The following ZNF180 variants were observed in gnomAD, a reference collection of about 807,000 sequenced individuals.
ZNF180 encodes the protein zinc finger protein 180 (HHZ168).
Under a neutral mutation model 11.8 loss-of-function variants are expected in ZNF180, and 11 were observed. The ratio of observed to expected loss-of-function variants is 0.93; its 90% confidence interval spans 0.59 to 1.55. ZNF180 has a LOEUF of 1.55. ZNF180 is among the 40% of genes most tolerant of loss of function. ZNF180 has a pLI of 0.00. For missense variants in ZNF180, 773 were observed against 781.7 expected (o/e 0.99, Z 0.13); for synonymous variants, 287 against 257.7 (o/e 1.11, Z -1.09).
intron 2 of ZNF180, among the ~76,000 whole-genome samples, chr19:44,487,901 A>AT (rs944280927): frequency 2.6e-5 from 4 of 151,896 alleles, no homozygotes; most frequent in Admixed American, 2.0e-4. Context: ...TAATTTTTGT[A>AT]TTTTTTGTAG....
rs1295053543 is a variant in ZNF180 at position 44,475,690 on chromosome 19, A to G, written c.*712T>C. The G allele has an allele frequency of 6.6e-6, 1 of 152,244 alleles. No individual in the cohort carries two copies. Among genetic ancestry groups the G allele is most frequent in the Non-Finnish European group, 1.5e-5 (1 of 68,050 alleles). 9.4% of individuals were successfully genotyped at this position (152,244 alleles called of 1,614,324 possible). ...ATTATATCATTTATCATAGCATAAC[A>G]GCGTACATTCCAAAAAGGAAGGCCC... is the stretch of plus-strand genomic sequence containing the variant. On this transcript the variant is annotated 3_prime_UTR_variant, in exon 5 of 5. Coordinates refer to ENST00000592529, the MANE Select transcript of ZNF180 (RefSeq NM_001278509.3).
intron 3 of ZNF180, among the ~76,000 whole-genome samples, chr19:44,480,696 C>T (rs1234580710): frequency 6.6e-6 from 1 of 152,186 alleles, no homozygotes; most frequent in Non-Finnish European, 1.5e-5. Flanking sequence ...ACACCTTAAA[C>T]ATATAGCCTA....
Position 44,495,435 on chromosome 19 carries a change from C to T in ZNF180, c.51+1849G>A, listed in dbSNP as rs532175607. The stretch of plus-strand genomic sequence containing the variant: ...CTGTGTCAGTACCCTCCACATGCCG[C>T]TGGGCTCTGACACCCCTGCAGGCCA... On this transcript the variant is annotated intron_variant, in intron 2 of 4. Coordinates refer to ENST00000592529, the MANE Select transcript of ZNF180 (RefSeq NM_001278509.3). This position sits in a 1 kb window ranked among gnomAD's most constrained non-coding sequence, Gnocchi z 4.5. Among the ~76,000 whole-genome samples the T allele has an allele frequency of 2.3e-4, 35 of 152,220 alleles. No individual in the cohort carries two copies. In the South Asian group the frequency reaches 5.2e-3, roughly 23 times the overall value.
At chr19:44,484,236 G>C (rs947556666) in intron 3 of ZNF180, 125 bp downstream of exon 3, 1 of 736,790 alleles carries the variant, frequency 1.4e-6, no homozygotes, top group African/African-American at 1.7e-5. Context: ...CTGACCTCAT[G>C]ATCTGCCCGC....
chr19:44,477,402 T>G lies in ZNF180; in HGVS notation c.998A>C (p.Lys333Thr), dbSNP rs773645552. ...EKPFECNQCG[K>T]SFSWSSHLVA... ...AAGATGCGAGCTCCAGCTGAAGGAT[T>G]TCCCACACTGATTACATTCAAAAGG... The change falls in exon 5 of 5, where the codon AAA becomes ACA. Residue 333 changes from lysine (K) to threonine (T), a missense_variant. Transcript: ENST00000592529. The G allele has an allele frequency of 6.2e-7, 1 of 1,614,238 alleles. No homozygotes were observed. The highest frequency in any genetic ancestry group is 2.2e-5 in the East Asian group (1 of 44,892).
intron 2 of ZNF180, among the ~76,000 whole-genome samples, chr19:44,489,021 T>G (rs1318571470): frequency 1.4e-5 from 2 of 143,930 alleles, no homozygotes; most frequent in African/African-American, 5.3e-5. Flanking sequence ...GTGAGTAGCG[T>G]CTCCGCCCGG....
At position 44,476,480 on chromosome 19, in the gene ZNF180, T is replaced by TC. The variant is rs765086938; in HGVS notation, c.1919dup (p.Ala642SerfsTer4). On this transcript the variant is annotated frameshift_variant, in exon 5 of 5. Coordinates refer to ENST00000592529, the MANE Select transcript of ZNF180 (RefSeq NM_001278509.3). LOFTEE classifies it low-confidence loss of function (END_TRUNC). ...GTTTATAGCTATTAATGAAAGCTTT[T>TC]CCACACTGAATACATGTAAAGGGTT... The TC allele has an allele frequency of 6.2e-7, 1 of 1,614,100 alleles. No individual in the cohort carries two copies. Among genetic ancestry groups the TC allele is most frequent in the East Asian group, 2.2e-5 (1 of 44,876 alleles).
chr19:44,490,188 G>T, intron 2 of ZNF180, among the ~76,000 whole-genome samples: 1 of 133,170 alleles, frequency 7.5e-6, no homozygotes, highest in Non-Finnish European at 1.6e-5. Flanking sequence ...GGGAGGGAGG[G>T]AGGGAGGATG....
intron 1 of ZNF180, 36 bp downstream of exon 1, chr19:44,500,239 A>G (rs781290668): frequency 1.2e-6 from 2 of 1,613,864 alleles, no homozygotes; most frequent in Non-Finnish European, 1.7e-6. Context: ...GCATGCGCGC[A>G]TCGGACACCA....
In ZNF180 at chr19:44,476,630, ACT is replaced by A. The variant is rs762786025; in HGVS notation, c.1768_1769del (p.Ser590PhefsTer17). 4.3e-6 allele frequency: 7 copies of A among 1,613,978 alleles called. No homozygotes were observed. Among genetic ancestry groups the A allele is most frequent in the Non-Finnish European group, 5.1e-6 (6 of 1,179,940 alleles). On this transcript the variant is annotated frameshift_variant, in exon 5 of 5. Transcript: ENST00000592529. LOFTEE classifies it low-confidence loss of function (END_TRUNC). Reference protein sequence around the residue: ...CSQCGKSFRQSSCLTQHQRTH... With the variant: ...CSQCGKSFRQXSCLTQHQRTH... The stretch of plus-strand genomic sequence containing the variant: ...TTCTCTGATGTTGAGTAAGGCATGA[ACT>A]CTGTCTGAAGGACTTCCCACATTGA...
intron 1 of ZNF180, 63 bp downstream of exon 1, chr19:44,500,212 T>A (rs763618709): frequency 1.2e-6 from 2 of 1,613,988 alleles, no homozygotes; most frequent in Admixed American, 3.3e-5. Context: ...GCTTCCAGCT[T>A]CCCGCGTAGA....
At position 44,495,842 on chromosome 19, in the gene ZNF180, C is replaced by T. The variant is rs1334529978; in HGVS notation, c.51+1442G>A. ...ACCCTGCTTGGTCACTGACACCCTG[C>T]ACATGGACACTCTCTTCACAGCAGG... On this transcript the variant is annotated intron_variant, in intron 2 of 4. Coordinates refer to ENST00000592529, the MANE Select transcript of ZNF180 (RefSeq NM_001278509.3). The surrounding 1 kb of genome is among the most constrained non-coding windows in gnomAD (Gnocchi z 4.5). 1.3e-5 allele frequency among the ~76,000 whole-genome samples: 2 copies of T among 152,186 alleles called. No homozygotes were observed. Among genetic ancestry groups the T allele is most frequent in the Non-Finnish European group, 2.9e-5 (2 of 68,036 alleles).
intron 2 of ZNF180, among the ~76,000 whole-genome samples, chr19:44,493,525 A>T (rs1970501305): frequency 6.6e-6 from 1 of 152,208 alleles, no homozygotes; most frequent in Non-Finnish European, 1.5e-5. Context: ...AAAATTAACT[A>T]GAGGACATTC....
At chr19:44,483,331 A>G (rs1970131854) in intron 3 of ZNF180, among the ~76,000 whole-genome samples, 1 of 152,168 alleles carries the variant, frequency 6.6e-6, no homozygotes, top group African/African-American at 2.4e-5. Context: ...TGACCTTTGG[A>G]GTGTCCACTC....
At position 44,477,101 on chromosome 19, in the gene ZNF180, G is replaced by T. The variant is rs954313; in HGVS notation, c.1299C>A (p.Thr433=). Residue 433 remains threonine (T), a synonymous_variant, in exon 5 of 5, where the codon ACC becomes ACA. Coordinates refer to ENST00000592529, the MANE Select transcript of ZNF180 (RefSeq NM_001278509.3). ...GATTACATTCATAGGGCTTCTCTCCGGTATGTGTTCTTTGATGTGCAATAA... is the reference window on the plus strand; with the variant it reads ...GATTACATTCATAGGGCTTCTCTCCTGTATGTGTTCTTTGATGTGCAATAA... The part of the protein sequence containing the change: ...YKLIAHQRTH[T]GEKPYECNQC... 1 of 1,613,738 alleles carries T rather than the reference G, an allele frequency of 6.2e-7. No homozygotes were observed. The highest frequency in any genetic ancestry group is 8.5e-7 in the Non-Finnish European group (1 of 1,179,920).
Position 44,477,366 on chromosome 19 carries a change from T to C in ZNF180, c.1034A>G (p.Gln345Arg). Residue 345 changes from glutamine (Q) to arginine (R), a missense_variant, in exon 5 of 5, where the codon CAG becomes CGG. By Grantham distance (43) the Gln-to-Arg change is conservative. Transcript: ENST00000592529. ...AGGTTTCTCCCCTGTGTGAGTTCTCTGATGTGCAACAAGATGCGAGCTCCA... is the reference window on the plus strand; with the variant it reads ...AGGTTTCTCCCCTGTGTGAGTTCTCCGATGTGCAACAAGATGCGAGCTCCA... ...FSWSSHLVAH[Q>R]RTHTGEKPYE... 6.2e-7 allele frequency: 1 copy of C among 1,614,158 alleles called. No individual in the cohort carries two copies.
chr19:44,500,419 C>G lies in ZNF180; in HGVS notation c.-188G>C, dbSNP rs183748776. ...CGACTCGGGTTAAGCTAGTTCGGTC[C>G]CCTCTCCTAGTCAGCATCCGCAAGG... On this transcript the variant is annotated 5_prime_UTR_variant, in exon 1 of 5. Transcript: ENST00000592529. 8 of 703,410 alleles carry G rather than the reference C, an allele frequency of 1.1e-5. No individual in the cohort carries two copies. Among genetic ancestry groups the G allele is most frequent in the Middle Eastern group, 3.9e-4 (1 of 2,562 alleles). 43.6% of individuals were successfully genotyped at this position (703,410 alleles called of 1,614,324 possible).
intron 1 of ZNF180, 99 bp from the exon 2 acceptor site, chr19:44,497,476 TC>T: frequency 8.1e-7 from 1 of 1,227,180 alleles, no homozygotes; most frequent in Non-Finnish European, 1.1e-6. Flanking sequence ...CAGGATGCAT[TC>T]CCATAGCAAA....
rs188711656 is a variant in ZNF180, at chr19:44,494,176, T to C, written c.51+3108A>G. 1.1e-4 allele frequency among the ~76,000 whole-genome samples: 16 copies of C among 152,324 alleles called. No homozygotes were observed. In the East Asian group the frequency reaches 2.7e-3, roughly 26 times the overall value. ...AACTAAGTCGTGCAGGGCAGTGCTGTCTGTCTCATCTTTCCCCACAGTGCT... is the reference window on the plus strand; with the variant it reads ...AACTAAGTCGTGCAGGGCAGTGCTGCCTGTCTCATCTTTCCCCACAGTGCT... On this transcript the variant is annotated intron_variant, in intron 2 of 4. Transcript: ENST00000592529.
Sources: allele counts gnomAD v4.1 joint callset (sites outside exome capture counted in the v4.1 genomes callset), GRCh38; gene constraint gnomAD v4.1.1; non-coding constraint Gnocchi (gnomAD v3.1); transcripts MANE v1.5; gene names NCBI Gene and HGNC (gene_info 2026-07-23, HGNC 2026-07-21).